The following PHOX2A variants were observed in gnomAD, a reference collection of about 807,000 sequenced individuals.
The protein encoded by PHOX2A is paired mesoderm homeobox protein 2A.
Under a neutral mutation model 16.4 loss-of-function variants are expected in PHOX2A, and 10 were observed. That is an observed-to-expected ratio of 0.61 (90% CI 0.38 to 1.04). PHOX2A has a LOEUF of 1.04. PHOX2A is among the 50% of genes least tolerant of loss of function. PHOX2A has a pLI of 0.01. For missense variants in PHOX2A, 361 were observed against 419.4 expected (o/e 0.86, Z 1.22); for synonymous variants, 219 against 203.8 (o/e 1.07, Z -0.64).
Position 72,239,522 on chromosome 11 carries a change from G to A in PHOX2A, c.*227C>T. On this transcript the variant is annotated 3_prime_UTR_variant, in exon 3 of 3. Transcript: ENST00000298231. Reference sequence around the variant, plus strand: ...AAGGAGCTCCGGGGTTCTCCTGGAGGAGGTCCCGGTATAAAGAACTCCGCT... The same window carrying A: ...AAGGAGCTCCGGGGTTCTCCTGGAGAAGGTCCCGGTATAAAGAACTCCGCT... The A allele has an allele frequency of 5.1e-6, 2 of 392,466 alleles. No homozygotes were observed. Among genetic ancestry groups the A allele is most frequent in the Non-Finnish European group, 9.0e-6 (2 of 222,548 alleles). The allele number at this position is 392,466 out of a possible 1,614,324, so 24.3% of individuals were successfully genotyped here.
At chr11:72,241,388 G>A (rs1949120095) in intron 1 of PHOX2A, 99 bp from the exon 2 acceptor site, 2 of 736,494 alleles carry the variant, frequency 2.7e-6, no homozygotes, top group East Asian at 5.4e-5. Flanking sequence ...GGAATCACAC[G>A]CCTCCCCCGT....
chr11:72,241,989 C>A (rs924053756), intron 1 of PHOX2A, among the ~76,000 whole-genome samples: 1 of 149,726 alleles, frequency 6.7e-6, no homozygotes, highest in Admixed American at 6.7e-5. Flanking sequence ...CTTCAACTTT[C>A]CATTTCTCAG....
chr11:72,239,864 G>T lies in PHOX2A; in HGVS notation c.740C>A (p.Ala247Glu). ...CTGCCAAGCCTTAAGTAGTTCGGCC[G>T]CTCCCGCGCCAGGCCCGCCGCCCCC... ...GGGGGGPGAG[A>E]AELLKAWQPA... The change falls in exon 3 of 3, where the codon GCG becomes GAG. Residue 247 changes from alanine to glutamate, a missense_variant. Transcript: ENST00000298231. 1 of 1,374,338 alleles carries T rather than the reference G, an allele frequency of 7.3e-7. No homozygotes were observed. Among genetic ancestry groups the T allele is most frequent in the South Asian group, 1.8e-5 (1 of 56,102 alleles). The allele number at this position is 1,374,338 out of a possible 1,614,324, so 85.1% of individuals were successfully genotyped here. A position where few individuals can be genotyped will look rare whatever the true frequency, so the allele number is the denominator to read the frequency against.
At chr11:72,243,693 G>C in intron 1 of PHOX2A, 95 bp downstream of exon 1, 1 of 668,226 alleles carries the variant, frequency 1.5e-6, no homozygotes. Context: ...AGGCAGGAAT[G>C]GGGGCGGCTG....
Position 72,241,258 on chromosome 11 carries a change from G to T in PHOX2A, c.249C>A (p.Gly83=). 6.2e-7 allele frequency: 1 copy of T among 1,609,574 alleles called. No individual in the cohort carries two copies. The highest frequency in any genetic ancestry group is 8.5e-7 in the Non-Finnish European group (1 of 1,178,712). Residue 83 remains glycine, a synonymous_variant, in exon 2 of 3, where the codon GGC becomes GGA. Transcript: ENST00000298231. ...VPYKFFPEPS[G]LHEKRKQRRI... ...GCCGCTGCTTGCGCTTCTCGTGCAG[G>T]CCGGATGGCTCTGGGAAGAACTTGT...
intron 2 of PHOX2A, among the ~76,000 whole-genome samples, chr11:72,240,489 T>A (rs1162732105): frequency 6.6e-6 from 1 of 152,184 alleles, no homozygotes; most frequent in East Asian, 1.9e-4. Flanking sequence ...CTCCTCACTC[T>A]AAGTTCTTCC....
Sources: allele counts gnomAD v4.1 joint callset (sites outside exome capture counted in the v4.1 genomes callset), GRCh38; gene constraint gnomAD v4.1.1; transcripts MANE v1.5; gene names NCBI Gene and HGNC (gene_info 2026-07-23, HGNC 2026-07-21).